The following APOC1 variants were observed in gnomAD, a reference collection of about 807,000 sequenced individuals.
APOC1 encodes apolipoprotein C1, also known as apolipoprotein C-I.
APOC1 carries 4 observed loss-of-function variants against 6.7 expected under a neutral mutation model. The observed-to-expected ratio is 0.60, with a 90% CI of 0.29 to 1.37. APOC1 has a LOEUF of 1.37. APOC1 is among the 40% of genes most tolerant of loss of function. The pLI is 0.09. For missense variants in APOC1, 122 were observed against 99.4 expected (o/e 1.23, Z -0.97); for synonymous variants, 33 against 40.6 (o/e 0.81, Z 0.72).
chr19:44,916,211 C>CCCCAGA lies in APOC1; in HGVS notation c.82_87dup (p.Pro28_Asp29dup), dbSNP rs751664690. On this transcript the variant is annotated inframe_insertion, in exon 3 of 4. Coordinates refer to ENST00000592535, the MANE Select transcript of APOC1 (RefSeq NM_001645.5). Reference sequence around the variant, plus strand: ...GCAGGCCCAGCCCCAGCCCAGGGGACCCCAGACGTCTCCAGTGCCTTGGAT... The same window carrying CCCCAGA: ...GCAGGCCCAGCCCCAGCCCAGGGGACCCCAGACCCAGACGTCTCCAGTGCCTTGGAT... 1.2e-6 allele frequency: 2 copies of CCCCAGA among 1,611,346 alleles called. No homozygotes were observed. The highest frequency in any genetic ancestry group is 1.7e-6 in the Non-Finnish European group (2 of 1,179,138).
rs969204131 is a variant in APOC1 at position 44,916,156 on chromosome 19, A to G, written c.59-34A>G. 16 of 1,508,412 alleles carry G rather than the reference A, an allele frequency of 1.1e-5. No homozygotes were observed. The Admixed American group carries it at 1.9e-4, about 18-fold the overall frequency. The allele number at this position is 1,508,412 out of a possible 1,614,324, so 93.4% of individuals were successfully genotyped here. On this transcript the variant is annotated intron_variant, in intron 2 of 3. Coordinates refer to ENST00000592535, the MANE Select transcript of APOC1 (RefSeq NM_001645.5). ...CATCTCCAAAAAAAAAAAAAAAAAA[A>G]CAAATTTTGAACCCCTGCCCATCTT... is the stretch of plus-strand genomic sequence containing the variant.
intron 3 of APOC1, chr19:44,918,904 C>G (rs1251289916): frequency 4.2e-6 from 2 of 474,754 alleles, no homozygotes; most frequent in Non-Finnish European, 7.5e-6. Flanking sequence ...AGTGATCAGC[C>G]TACCTCGGCC....
At chr19:44,914,804 A>G in intron 1 of APOC1, 68 bp from the exon 2 acceptor site, 2 of 1,348,318 alleles carry the variant, frequency 1.5e-6, no homozygotes, top group Admixed American at 1.9e-5. Flanking sequence ...AGATGAGGGG[A>G]TCGTGGGAGG....
At chr19:44,914,487 G>A (rs184802815), upstream of APOC1, 1,621 of 200,772 alleles carry the variant, frequency 8.1e-3, 79 homozygotes, top group Admixed American at 0.081. Context: ...GGAAGATTGA[G>A]AGGTGAGAGT....
intron 3 of APOC1, among the ~76,000 whole-genome samples, chr19:44,917,937 G>A (rs1297394834): frequency 1.3e-5 from 2 of 151,598 alleles, no homozygotes; most frequent in African/African-American, 4.9e-5. Flanking sequence ...TCATGCCACT[G>A]CACTCCAGCC....
intron 3 of APOC1, 88 bp downstream of exon 3, chr19:44,916,413 A>G (rs895080426): frequency 1.3e-6 from 2 of 1,559,996 alleles, no homozygotes; most frequent in African/African-American, 2.8e-5. Flanking sequence ...AGATTGAAAA[A>G]AAAACAAGTC....
chr19:44,916,989 GGTTTT>G (rs1970022123), intron 3 of APOC1, among the ~76,000 whole-genome samples: 1 of 151,120 alleles, frequency 6.6e-6, no homozygotes, highest in Admixed American at 6.6e-5. Context: ...AAAAAAAGAT[GGTTTT>G]GTGAGGTAAT....
At chr19:44,915,931 T>C (rs886198098) in intron 2 of APOC1, among the ~76,000 whole-genome samples, 3 of 151,850 alleles carry the variant, frequency 2.0e-5, no homozygotes, top group Non-Finnish European at 2.9e-5. Flanking sequence ...ATCATACCAC[T>C]GCACTCCAGC....
Position 44,919,234 on chromosome 19 carries a change from C to T in APOC1, c.*4C>T, listed in dbSNP as rs1435796517. 1.2e-6 allele frequency: 2 copies of T among 1,613,680 alleles called. No homozygotes were observed. Among genetic ancestry groups the T allele is most frequent in the Non-Finnish European group, 1.7e-6 (2 of 1,179,650 alleles). On this transcript the variant is annotated 3_prime_UTR_variant, in exon 4 of 4. Coordinates refer to ENST00000592535, the MANE Select transcript of APOC1 (RefSeq NM_001645.5). Reference sequence around the variant, plus strand: ...GAAACTCAAGATTGACTCATGAGGACCTGAAGGGTGACATCCCAGGAGGGG... The same window carrying T: ...GAAACTCAAGATTGACTCATGAGGATCTGAAGGGTGACATCCCAGGAGGGG...
intron 2 of APOC1, among the ~76,000 whole-genome samples, chr19:44,915,784 T>C (rs1489077894): frequency 2.6e-5 from 4 of 151,644 alleles, no homozygotes; most frequent in Admixed American, 6.6e-5. Context: ...CTGGCCAACA[T>C]GGTGAAACTT....
upstream of APOC1, chr19:44,914,587 C>T (rs527642723): frequency 2.3e-4 from 92 of 408,636 alleles, 1 homozygote; most frequent in South Asian, 2.5e-3. Context: ...AGGAGAAAAA[C>T]GTGGGTGGAC....
Position 44,916,218 on chromosome 19 carries a change from C to A in APOC1, c.87C>A (p.Asp29Glu). Residue 29 changes from aspartate to glutamate, a missense_variant, in exon 3 of 4, where the codon GAC becomes GAA. Coordinates refer to ENST00000592535, the MANE Select transcript of APOC1 (RefSeq NM_001645.5). ...EGPAPAQGTP[D>E]VSSALDKLKE... ...CAGCCCCAGCCCAGGGGACCCCAGA[C>A]GTCTCCAGTGCCTTGGATAAGCTGA... The A allele has an allele frequency of 6.2e-7, 1 of 1,607,730 alleles. No homozygotes were observed. Among genetic ancestry groups the A allele is most frequent in the South Asian group, 1.1e-5 (1 of 90,880 alleles).
At position 44,919,158 on chromosome 19, in the gene APOC1, T is replaced by G. The variant is rs905867002; in HGVS notation, c.195-15T>G. On this transcript the variant is annotated splice_polypyrimidine_tract_variant and intron_variant, in intron 3 of 3. Transcript: ENST00000592535. The stretch of plus-strand genomic sequence containing the variant: ...AGCTGCACACAGTGACCCCCTTCCT[T>G]ATTCCTCCCCACAGGGAGTGGTTTT... 1.2e-6 allele frequency: 2 copies of G among 1,612,498 alleles called. No homozygotes were observed. Among genetic ancestry groups the G allele is most frequent in the African/African-American group, 2.7e-5 (2 of 74,872 alleles).
At chr19:44,918,431 G>T (rs1038911885) in intron 3 of APOC1, among the ~76,000 whole-genome samples, 2 of 139,768 alleles carry the variant, frequency 1.4e-5, no homozygotes, top group Non-Finnish European at 3.0e-5. Context: ...GCCTGATCTC[G>T]GCTCACTGCA....
In APOC1 at chr19:44,914,661, C is replaced by A. The variant is rs909834345; in HGVS notation, c.-93C>A. On this transcript the variant is annotated 5_prime_UTR_variant, in exon 1 of 4. Coordinates refer to ENST00000592535, the MANE Select transcript of APOC1 (RefSeq NM_001645.5). ...GGAGATCAACATCAACCTGCCCCGC[C>A]CCCTCCCCAGCCTGATAAAGGTCCT... The A allele has an allele frequency of 5.4e-6, 3 of 559,104 alleles. No homozygotes were observed. Among genetic ancestry groups the A allele is most frequent in the African/African-American group, 1.9e-5 (1 of 52,930 alleles). 34.6% of individuals were successfully genotyped at this position (559,104 alleles called of 1,614,324 possible).
In APOC1 at chr19:44,919,167, C is replaced by G; in HGVS notation, c.195-6C>G. ...CAGTGACCCCCTTCCTTATTCCTCC[C>G]CACAGGGAGTGGTTTTCAGAGACAT... On this transcript the variant is annotated splice_polypyrimidine_tract_variant and splice_region_variant and intron_variant, in intron 3 of 3. Coordinates refer to ENST00000592535, the MANE Select transcript of APOC1 (RefSeq NM_001645.5). The G allele has an allele frequency of 6.2e-7, 1 of 1,613,488 alleles. No homozygotes were observed. Among genetic ancestry groups the G allele is most frequent in the Non-Finnish European group, 8.5e-7 (1 of 1,179,572 alleles).
At position 44,914,609 on chromosome 19, in the gene APOC1, G is replaced by A. The variant is rs1449750976; in HGVS notation, c.-145G>A. On this transcript the variant is annotated 5_prime_UTR_variant, in exon 1 of 4. Coordinates refer to ENST00000592535, the MANE Select transcript of APOC1 (RefSeq NM_001645.5). ...AAACGTGGGTGGACAGAGGGAGGCA[G>A]GCGGTCAGGGGAAGGCTCAGGAGGA... is the stretch of plus-strand genomic sequence containing the variant. 3 of 454,102 alleles carry A rather than the reference G, an allele frequency of 6.6e-6. No homozygotes were observed. The South Asian group carries it at 8.3e-5, about 13-fold the overall frequency. The allele number at this position is 454,102 out of a possible 1,614,324, so 28.1% of individuals were successfully genotyped here.
rs560915370 is a variant in APOC1 at position 44,917,906 on chromosome 19, G to A, written c.195-1267G>A. ...GGAGAATCACTTGAACCCGGGAGGC[G>A]GAGGTTGCAGTGAGCCGAGATCATG... On this transcript the variant is annotated intron_variant, in intron 3 of 3. Transcript: ENST00000592535. Among the ~76,000 whole-genome samples the A allele has an allele frequency of 4.6e-3, 688 of 149,656 alleles. 3 individuals are homozygous for A. Among genetic ancestry groups the A allele is most frequent in the African/African-American group, 0.015 (623 of 40,550 alleles).
Position 44,916,262 on chromosome 19 carries a change from T to C in APOC1, c.131T>C (p.Leu44Pro), listed in dbSNP as rs774366946. ...AAGCTGAAGGAGTTTGGAAACACAC[T>C]GGAGGACAAGGCTCGGGAACTCATC... ...LDKLKEFGNT[L>P]EDKARELISR... Residue 44 changes from leucine to proline, a missense_variant, in exon 3 of 4, where the codon CTG becomes CCG. Transcript: ENST00000592535. 5.6e-6 allele frequency: 9 copies of C among 1,612,600 alleles called. No individual in the cohort carries two copies. The highest frequency in any genetic ancestry group is 2.2e-5 in the East Asian group (1 of 44,812).
Sources: allele counts gnomAD v4.1 joint callset (sites outside exome capture counted in the v4.1 genomes callset), GRCh38; gene constraint gnomAD v4.1.1; transcripts MANE v1.5; gene names NCBI Gene and HGNC (gene_info 2026-07-23, HGNC 2026-07-21).